The following SLC12A9 variants were observed in gnomAD, a reference collection of about 807,000 sequenced individuals.
The protein encoded by SLC12A9 is solute carrier family 12 member 9, also known as CCC-interacting protein 1.
A neutral mutation model predicts 66.0 loss-of-function variants in SLC12A9; 55 were observed. That is an observed-to-expected ratio of 0.83 (90% CI 0.67 to 1.04). SLC12A9 has a LOEUF of 1.04. Among genes scored for constraint, SLC12A9 ranks in the 50% least tolerant of loss-of-function variants. SLC12A9 has a pLI of 0.00. For synonymous variants in SLC12A9, 577 were observed against 569.0 expected (o/e 1.01, Z -0.20); for missense variants, 1,061 against 1,241.9 (o/e 0.85, Z 2.19).
chr7:100,831,993 A>G (rs962029516), intron 1 of SLC12A9, among the ~76,000 whole-genome samples: 6 of 152,366 alleles, frequency 3.9e-5, no homozygotes, highest in African/African-American at 1.4e-4. Flanking sequence ...CTGTTACAAA[A>G]GGAATTTGAT....
intron 1 of SLC12A9, among the ~76,000 whole-genome samples, chr7:100,836,109 C>T (rs1031501370): frequency 2.0e-5 from 3 of 152,200 alleles, no homozygotes; most frequent in African/African-American, 7.2e-5. Flanking sequence ...AGCAGCATCC[C>T]AGCACCCACT....
chr7:100,852,242 G>T (rs1216706434), upstream of SLC12A9, among the ~76,000 whole-genome samples: 1 of 152,220 alleles, frequency 6.6e-6, no homozygotes, highest in Non-Finnish European at 1.5e-5. Context: ...GCTGGATCGG[G>T]CGCGAAGGGA....
Position 100,861,733 on chromosome 7 carries a change from C to T in SLC12A9, c.1537-4C>T, listed in dbSNP as rs762561445. ...CTTCCCCACTGCCTCACCCCTATACCCAGGTGCGTAAGTATCTGCTTCGGC... is the reference window on the plus strand; with the variant it reads ...CTTCCCCACTGCCTCACCCCTATACTCAGGTGCGTAAGTATCTGCTTCGGC... On this transcript the variant is annotated splice_polypyrimidine_tract_variant and splice_region_variant and intron_variant, in intron 11 of 13. Coordinates refer to ENST00000354161, the MANE Select transcript of SLC12A9 (RefSeq NM_020246.4). This position sits in a 1 kb window ranked among gnomAD's most constrained non-coding sequence, Gnocchi z 5.3. 1.2e-6 allele frequency: 2 copies of T among 1,614,114 alleles called. No individual in the cohort carries two copies. Among genetic ancestry groups the T allele is most frequent in the South Asian group, 2.2e-5 (2 of 91,078 alleles).
At chr7:100,847,582 C>A (rs1469549290) in intron 1 of SLC12A9, among the ~76,000 whole-genome samples, 1 of 152,026 alleles carries the variant, frequency 6.6e-6, no homozygotes, top group African/African-American at 2.4e-5. Flanking sequence ...GTGGCTTGGA[C>A]TTGGGTGGTA....
chr7:100,855,974 G>T, intron 4 of SLC12A9, 137 bp downstream of exon 4: 1 of 1,371,212 alleles, frequency 7.3e-7, no homozygotes, highest in Non-Finnish European at 9.7e-7. Context: ...CTGCTGTGTG[G>T]CCAGCATCGT....
intron 4 of SLC12A9, 44 bp from the exon 5 acceptor site, chr7:100,856,824 G>GCCT: frequency 6.6e-7 from 1 of 1,518,524 alleles, no homozygotes; most frequent in Non-Finnish European, 8.8e-7. Flanking sequence ...CTGGTGGGGT[G>GCCT]CCTTAGGATC....
rs374596888 is a variant in SLC12A9 at position 100,854,624 on chromosome 7, C to T, written c.186C>T (p.Phe62=). 25 of 1,613,796 alleles carry T rather than the reference C, an allele frequency of 1.5e-5. No homozygotes were observed. In the East Asian group the frequency reaches 2.2e-4, roughly 14 times the overall value. Residue 62 remains phenylalanine, a synonymous_variant, in exon 3 of 14, where the codon TTC becomes TTT. Transcript: ENST00000354161. ...FSIVVFLRIG[F]VVGHAGLLQA... is the part of the protein sequence containing the mutation. The stretch of plus-strand genomic sequence containing the variant: ...GATTTGCTGCTCCTGCCTCAGGGTT[C>T]GTGGTGGGTCATGCTGGGCTACTGC...
At chr7:100,856,040 A>C in intron 4 of SLC12A9, 1 of 645,120 alleles carries the variant, frequency 1.6e-6, no homozygotes, top group Non-Finnish European at 2.3e-6. Flanking sequence ...CTAACCATCT[A>C]ATCGGAGAGA....
intron 1 of SLC12A9, among the ~76,000 whole-genome samples, chr7:100,834,027 CAG>C (rs903161248): frequency 8.0e-5 from 12 of 149,514 alleles, no homozygotes; most frequent in African/African-American, 3.0e-4. Flanking sequence ...TTAGACAAGT[CAG>C]GGGTAGAAAC....
At chr7:100,851,165 C>T (rs1814064089), upstream of SLC12A9, among the ~76,000 whole-genome samples, 2 of 151,962 alleles carry the variant, frequency 1.3e-5, no homozygotes, top group Admixed American at 1.3e-4. Flanking sequence ...CTCCTTGCCA[C>T]CTTCTTGGTG....
intron 1 of SLC12A9, among the ~76,000 whole-genome samples, chr7:100,835,660 A>C (rs1232627886): frequency 3.3e-5 from 5 of 151,954 alleles, no homozygotes; most frequent in African/African-American, 9.7e-5. Flanking sequence ...AAAAAAAAAA[A>C]CAACAAAAAA....
intron 1 of SLC12A9, among the ~76,000 whole-genome samples, chr7:100,838,535 T>C (rs1417664834): frequency 6.6e-6 from 1 of 152,094 alleles, no homozygotes; most frequent in Non-Finnish European, 1.5e-5. Context: ...TTATTTATTT[T>C]GAGACAGAGT....
At chr7:100,848,678 A>T (rs952618395), upstream of SLC12A9, among the ~76,000 whole-genome samples, 14 of 152,116 alleles carry the variant, frequency 9.2e-5, no homozygotes, top group South Asian at 8.3e-4. Flanking sequence ...CGAGGTCAGG[A>T]GATCGAGACC....
Position 100,861,168 on chromosome 7 carries a change from C to G in SLC12A9, c.1249C>G (p.Leu417Val), listed in dbSNP as rs776134677. Residue 417 changes from leucine to valine, a missense_variant, in exon 10 of 14, where the codon CTG becomes GTG. Transcript: ENST00000354161. The surrounding 1 kb of genome is among the most constrained non-coding windows in gnomAD (Gnocchi z 5.3). ...GCTCCTGGCTGGGAAGCTGAACACA[C>G]TGGCTGCTGTGGTCACTGTCTTCTA... Reference protein sequence around the residue: ...LVLLAGKLNTLAAVVTVFYLV... With the variant: ...LVLLAGKLNTVAAVVTVFYLV... 9.3e-6 allele frequency: 15 copies of G among 1,614,084 alleles called. No individual in the cohort carries two copies. The Admixed American group carries it at 1.7e-4, about 18-fold the overall frequency.
Position 100,866,149 on chromosome 7 carries a change from C to T in SLC12A9, c.2289C>T (p.Ser763=), listed in dbSNP as rs780884489. 26 of 1,612,674 alleles carry T rather than the reference C, an allele frequency of 1.6e-5. No individual in the cohort carries two copies. Among genetic ancestry groups the T allele is most frequent in the Admixed American group, 6.7e-5 (4 of 60,010 alleles). The change falls in exon 14 of 14, where the codon AGC becomes AGT. Residue 763 remains serine, a synonymous_variant. Transcript: ENST00000354161. This position sits in a 1 kb window ranked among gnomAD's most constrained non-coding sequence, Gnocchi z 7.3. ...TGGGCATGGTGCCCGCTTGGCATAGCGCCCGGCTCCGGATCTTCCTGTGCC... is the reference window on the plus strand; with the variant it reads ...TGGGCATGGTGCCCGCTTGGCATAGTGCCCGGCTCCGGATCTTCCTGTGCC... ...TILGMVPAWH[S]ARLRIFLCLG...
At chr7:100,836,381 C>T (rs374932998) in intron 1 of SLC12A9, among the ~76,000 whole-genome samples, 315 of 152,150 alleles carry the variant, frequency 2.1e-3, no homozygotes, top group African/African-American at 7.2e-3. Context: ...GAAGGTAGGC[C>T]GGGCCCCAGA....
Position 100,861,755 on chromosome 7 carries a change from C to G in SLC12A9, c.1555C>G (p.Arg519Gly). Residue 519 changes from arginine to glycine, a missense_variant, in exon 12 of 14, where the codon CGG becomes GGG. Coordinates refer to ENST00000354161, the MANE Select transcript of SLC12A9 (RefSeq NM_020246.4). The surrounding 1 kb of genome is among the most constrained non-coding windows in gnomAD (Gnocchi z 5.3). ...LFHQVRKYLL[R>G]LDVRKDHVKF... Reference sequence around the variant, plus strand: ...TACCCAGGTGCGTAAGTATCTGCTTCGGCTGGACGTCCGGAAGGATCACGT... The same window carrying G: ...TACCCAGGTGCGTAAGTATCTGCTTGGGCTGGACGTCCGGAAGGATCACGT... 1 of 1,614,178 alleles carries G rather than the reference C, an allele frequency of 6.2e-7. No homozygotes were observed. The highest frequency in any genetic ancestry group is 8.5e-7 in the Non-Finnish European group (1 of 1,180,034).
At chr7:100,844,076 G>C (rs1813847051) in intron 1 of SLC12A9, among the ~76,000 whole-genome samples, 1 of 152,088 alleles carries the variant, frequency 6.6e-6, no homozygotes, top group African/African-American at 2.4e-5. Context: ...ACTCATCGCA[G>C]GACTCATTTG....
intron 1 of SLC12A9, among the ~76,000 whole-genome samples, chr7:100,827,746 G>A (rs971251172): frequency 5.9e-5 from 9 of 152,220 alleles, no homozygotes; most frequent in Non-Finnish European, 1.0e-4. Flanking sequence ...CCCCGGGACC[G>A]CCCAGATGTG....
Sources: gnomAD v4.1 joint callset for allele counts (sites outside exome capture counted in the v4.1 genomes callset) on GRCh38, gnomAD v4.1.1 for gene constraint, Gnocchi (gnomAD v3.1) non-coding constraint, MANE v1.5 for transcripts, NCBI Gene and HGNC (gene_info 2026-07-23, HGNC 2026-07-21) for gene names.